The following MTRF1 variants were observed in gnomAD, a reference collection of about 807,000 sequenced individuals.
The protein encoded by MTRF1 is mitochondrial translation release factor 1.
Under a neutral mutation model 62.9 loss-of-function variants are expected in MTRF1, and 51 were observed. The observed-to-expected ratio is 0.81, with a 90% CI of 0.65 to 1.02. The LOEUF is 1.02. Among genes scored for constraint, MTRF1 ranks in the 50% least tolerant of loss-of-function variants. The probability of loss-of-function intolerance (pLI) is 0.00; values close to 1 mark genes in which losing one functional copy is unlikely to be tolerated. For synonymous variants in MTRF1, 158 were observed against 181.9 expected (o/e 0.87, Z 1.06); for missense variants, 446 against 530.0 (o/e 0.84, Z 1.56).
intron 6 of MTRF1, among the ~76,000 whole-genome samples, chr13:41,237,183 C>T (rs1303261765): frequency 1.5e-5 from 2 of 137,324 alleles, no homozygotes; most frequent in Non-Finnish European, 3.0e-5. Flanking sequence ...GGGGCCACTG[C>T]ACTCTAGCCT....
chr13:41,233,515 AG>A (rs1220486579), intron 7 of MTRF1, among the ~76,000 whole-genome samples: 1 of 152,208 alleles, frequency 6.6e-6, no homozygotes, highest in Non-Finnish European at 1.5e-5. Context: ...TCAAAATAAA[AG>A]CATTAGTGCA....
chr13:41,292,762 A>C, the MTRF1 span, among the ~76,000 whole-genome samples: 9 of 151,638 alleles, frequency 5.9e-5, no homozygotes, highest in Non-Finnish European at 1.3e-4. Flanking sequence ...TCTCAATGAA[A>C]ATAAAAATAA....
At chr13:41,308,078 C>T in the MTRF1 span, among the ~76,000 whole-genome samples, 4 of 151,908 alleles carry the variant, frequency 2.6e-5, no homozygotes, top group Admixed American at 6.6e-5. Context: ...GCAGAGTGCA[C>T]GTGAAGAACC....
chr13:41,278,270 T>C, the MTRF1 span, among the ~76,000 whole-genome samples: 1 of 152,176 alleles, frequency 6.6e-6, no homozygotes, highest in African/African-American at 2.4e-5. Flanking sequence ...TCTTGGCGTC[T>C]CGAACAAAGA....
intron 2 of MTRF1, among the ~76,000 whole-genome samples, chr13:41,259,019 GCTCAACATCAT>G (rs1458316856): frequency 6.6e-6 from 1 of 152,132 alleles, no homozygotes; most frequent in Non-Finnish European, 1.5e-5. Context: ...CAGAAAAGAT[GCTCAACATCAT>G]TAATCTTCAG....
intron 3 of MTRF1, 31 bp downstream of exon 3, chr13:41,254,498 T>C: frequency 6.6e-7 from 1 of 1,520,054 alleles, no homozygotes; most frequent in Non-Finnish European, 9.1e-7. Flanking sequence ...TATACAGCAC[T>C]ATTGAAACTA....
chr13:41,297,270 C>T, the MTRF1 span, among the ~76,000 whole-genome samples: 3 of 152,152 alleles, frequency 2.0e-5, no homozygotes, highest in Non-Finnish European at 4.4e-5. Context: ...AAGACATTCC[C>T]CAAGGCTAGT....
intron 6 of MTRF1, among the ~76,000 whole-genome samples, chr13:41,237,741 C>T (rs1033514844): frequency 6.6e-6 from 1 of 152,148 alleles, no homozygotes; most frequent in Non-Finnish European, 1.5e-5. Context: ...TCAAATGATC[C>T]CGTCTGCTTT....
At chr13:41,255,387 C>T (rs946101892) in intron 2 of MTRF1, among the ~76,000 whole-genome samples, 7 of 151,936 alleles carry the variant, frequency 4.6e-5, no homozygotes, top group Admixed American at 2.0e-4. Context: ...TGGCTTAGTA[C>T]GGTACTTTAA....
intron 6 of MTRF1, among the ~76,000 whole-genome samples, chr13:41,234,575 T>C (rs2036155906): frequency 6.6e-6 from 1 of 152,172 alleles, no homozygotes; most frequent in Non-Finnish European, 1.5e-5. Context: ...CAAAGTTACA[T>C]GTAAGAAAAC....
chr13:41,257,966 G>C (rs909930867), intron 2 of MTRF1, among the ~76,000 whole-genome samples: 7 of 152,152 alleles, frequency 4.6e-5, no homozygotes, highest in African/African-American at 1.7e-4. Context: ...AAATTGTAGA[G>C]GTAGTAGAGC....
chr13:41,260,228 A>C (rs1487407880), intron 2 of MTRF1, among the ~76,000 whole-genome samples: 1 of 152,010 alleles, frequency 6.6e-6, no homozygotes, highest in Non-Finnish European at 1.5e-5. Flanking sequence ...ATCGCTTTGG[A>C]AAGCCCTGGC....
chr13:41,238,826 C>A (rs933823700), intron 6 of MTRF1, among the ~76,000 whole-genome samples: 3 of 152,116 alleles, frequency 2.0e-5, no homozygotes, highest in African/African-American at 7.2e-5. Context: ...ATGACTATAA[C>A]TGCACCTATG....
intron 7 of MTRF1, among the ~76,000 whole-genome samples, chr13:41,227,157 T>C (rs1009401221): frequency 6.6e-6 from 1 of 151,832 alleles, no homozygotes; most frequent in Non-Finnish European, 1.5e-5. Context: ...CGTGGTGGCA[T>C]GTGCCTGTAG....
At chr13:41,263,807 A>G (rs1409952908), upstream of MTRF1, among the ~76,000 whole-genome samples, 4 of 47,028 alleles carry the variant, frequency 8.5e-5, no homozygotes, top group Non-Finnish European at 1.6e-4. Context: ...AGATGGTGGG[A>G]GGGAGGGAGG....
intron 1 of MTRF1, 22 bp from the exon 2 acceptor site, chr13:41,260,937 C>A: frequency 3.4e-6 from 5 of 1,458,560 alleles, no homozygotes; most frequent in South Asian, 2.6e-5. Context: ...TAAACACAGT[C>A]TTTAAAAAAA....
At chr13:41,303,933 G>T in the MTRF1 span, among the ~76,000 whole-genome samples, 1 of 152,118 alleles carries the variant, frequency 6.6e-6, no homozygotes. Flanking sequence ...ATATAAATAA[G>T]CATTGTACCT....
At chr13:41,299,225 G>C in the MTRF1 span, among the ~76,000 whole-genome samples, 2 of 151,846 alleles carry the variant, frequency 1.3e-5, no homozygotes, top group African/African-American at 2.4e-5. Context: ...GAGAGAGAAA[G>C]AGGAGCTGAA....
chr13:41,280,024 G>A, the MTRF1 span, among the ~76,000 whole-genome samples: 1 of 152,192 alleles, frequency 6.6e-6, no homozygotes, highest in South Asian at 2.1e-4. Flanking sequence ...CACAACCTCC[G>A]TCTCCCAGGT....
Sources: gnomAD v4.1 joint callset for allele counts (sites outside exome capture counted in the v4.1 genomes callset) on GRCh38, gnomAD v4.1.1 for gene constraint, MANE v1.5 for transcripts, NCBI Gene and HGNC (gene_info 2026-07-23, HGNC 2026-07-21) for gene names.